Variants in FAM222B observed in about 807,000 individuals in gnomAD.
FAM222B encodes the protein family with sequence similarity 222 member B, also known as protein FAM222B.
FAM222B carries 12 observed loss-of-function variants against 38.0 expected under a neutral mutation model. The observed-to-expected ratio is 0.32, with a 90% CI of 0.20 to 0.51. The LOEUF (loss-of-function observed/expected upper bound fraction) is 0.51, where lower values mean the gene tolerates loss of function less well. Among genes scored for constraint, FAM222B ranks in the 20% least tolerant of loss-of-function variants. The pLI, the probability that FAM222B is intolerant of heterozygous loss-of-function variation, is 0.97. For missense variants in FAM222B, 716 were observed against 754.2 expected, an observed-to-expected ratio of 0.95 and a Z score of 0.59; for synonymous variants, 329 against 317.2, an observed-to-expected ratio of 1.04 and a Z score of -0.40.
chr17:28,820,097 G>C lies in FAM222B; in HGVS notation c.-41+22585C>G, dbSNP rs375704136. On this transcript the variant is annotated intron_variant, in intron 1 of 2. Transcript: ENST00000581407. The stretch of plus-strand genomic sequence containing the variant: ...TTGTTCTAAAATTAGCAACACACAG[G>C]TCCCTATACTAAAAACAATATATAC... Among the ~76,000 whole-genome samples the C allele has an allele frequency of 4.6e-4, 70 of 152,220 alleles. 1 individual carries two copies. In the South Asian group the frequency reaches 6.2e-3, roughly 14 times the overall value.
intron 2 of FAM222B, 88 bp downstream of exon 2, chr17:28,766,498 G>C (rs1010022537): frequency 6.8e-6 from 7 of 1,032,282 alleles, no homozygotes; most frequent in African/African-American, 1.6e-5. Flanking sequence ...TTCAAGGTCA[G>C]TGTACCCCAG....
intron 1 of FAM222B, among the ~76,000 whole-genome samples, chr17:28,823,925 T>G (rs886482792): frequency 6.7e-6 from 1 of 149,032 alleles, no homozygotes; most frequent in Non-Finnish European, 1.5e-5. Context: ...TCGCCCAGGC[T>G]GGAGTGCAGT....
intron 2 of FAM222B, among the ~76,000 whole-genome samples, chr17:28,765,197 C>T (rs1271616068): frequency 6.6e-6 from 1 of 152,316 alleles, no homozygotes; most frequent in East Asian, 1.9e-4. Flanking sequence ...CTGAGTCTTA[C>T]GCTCTCTCAA....
intron 1 of FAM222B, among the ~76,000 whole-genome samples, chr17:28,768,278 GCT>G (rs1270976502): frequency 6.6e-6 from 1 of 152,148 alleles, no homozygotes; most frequent in Non-Finnish European, 1.5e-5. Flanking sequence ...TCTTGAGAGG[GCT>G]CTCTCAGGTA....
intron 1 of FAM222B, among the ~76,000 whole-genome samples, chr17:28,837,346 C>T (rs535223786): frequency 5.3e-4 from 80 of 150,980 alleles, no homozygotes; most frequent in African/African-American, 1.8e-3. Flanking sequence ...AGGAGAATGG[C>T]GTGAACCCGG....
intron 1 of FAM222B, among the ~76,000 whole-genome samples, chr17:28,768,084 C>T (rs991154721): frequency 2.0e-5 from 3 of 152,120 alleles, no homozygotes; most frequent in African/African-American, 7.2e-5. Flanking sequence ...CCTTCTGTAG[C>T]GAAAGAAGCC....
At chr17:28,811,265 C>T (rs968042931) in intron 1 of FAM222B, among the ~76,000 whole-genome samples, 1 of 152,010 alleles carries the variant, frequency 6.6e-6, no homozygotes, top group Non-Finnish European at 1.5e-5. Flanking sequence ...ACGGTGAAAC[C>T]CGGTCACTAC....
At position 28,791,019 on chromosome 17, in the gene FAM222B, C is replaced by T. The variant is rs976422598; in HGVS notation, c.-40-24312G>A. Among the ~76,000 whole-genome samples the T allele has an allele frequency of 3.3e-5, 5 of 150,084 alleles. No homozygotes were observed. In the Admixed American group the frequency reaches 3.4e-4, roughly 10 times the overall value. On this transcript the variant is annotated intron_variant, in intron 1 of 2. Coordinates refer to ENST00000581407, the MANE Select transcript of FAM222B (RefSeq NM_001077498.3). Reference sequence around the variant, plus strand: ...GTCCACGCCATTCTCCTGCCTGAGCCTCCTGAGTAGCCGGCGTAGCTGGGA... The same window carrying T: ...GTCCACGCCATTCTCCTGCCTGAGCTTCCTGAGTAGCCGGCGTAGCTGGGA...
intron 2 of FAM222B, among the ~76,000 whole-genome samples, chr17:28,765,383 A>G (rs559733640): frequency 6.6e-6 from 1 of 152,282 alleles, no homozygotes; most frequent in Non-Finnish European, 1.5e-5. Context: ...TTGCCCTACA[A>G]TGCCAGAGTT....
intron 1 of FAM222B, among the ~76,000 whole-genome samples, chr17:28,773,247 C>T (rs1177267774): frequency 2.6e-5 from 4 of 151,238 alleles, no homozygotes; most frequent in Admixed American, 6.6e-5. Context: ...GAGGCCAAGA[C>T]GGGTGGATTA....
At chr17:28,790,236 T>C (rs923919291) in intron 1 of FAM222B, 14 of 151,412 alleles carry the variant, frequency 9.2e-5, no homozygotes, top group Admixed American at 7.9e-4. Flanking sequence ...ATGCAATATT[T>C]GTATAGTTTC....
chr17:28,819,213 A>C (rs151330747), intron 1 of FAM222B, among the ~76,000 whole-genome samples: 1 of 152,352 alleles, frequency 6.6e-6, no homozygotes, highest in Non-Finnish European at 1.5e-5. Context: ...ATTAGCATTC[A>C]ATGCAATAGC....
intron 1 of FAM222B, among the ~76,000 whole-genome samples, chr17:28,852,832 G>GCT: frequency 6.6e-6 from 1 of 152,216 alleles, no homozygotes; most frequent in South Asian, 2.1e-4. Flanking sequence ...CCAAGGCAGA[G>GCT]GATCACTTGA....
rs376794567 is a variant in FAM222B, at chr17:28,758,951, C to T, written c.1008G>A (p.Ala336=). Residue 336 remains alanine (A), a synonymous_variant, in exon 3 of 3, where the codon GCG becomes GCA. Transcript: ENST00000581407. The part of the protein sequence containing the change: ...PMEHTHAATA[A]LPAAGPVNLP... ...GGTTGACAGGACCTGCAGCAGGCAA[C>T]GCGGCGGTGGCCGCGTGGGTGTGCT... The T allele has an allele frequency of 1.6e-5, 25 of 1,610,288 alleles. No homozygotes were observed. Among genetic ancestry groups the T allele is most frequent in the African/African-American group, 2.7e-5 (2 of 74,898 alleles).
intron 1 of FAM222B, among the ~76,000 whole-genome samples, chr17:28,828,004 G>C (rs1322042194): frequency 6.6e-6 from 1 of 150,576 alleles, no homozygotes; most frequent in Admixed American, 6.6e-5. Context: ...ATGAAAAAAT[G>C]CAGATTTAGG....
chr17:28,784,249 A>G (rs2036292916), intron 1 of FAM222B, among the ~76,000 whole-genome samples: 1 of 151,056 alleles, frequency 6.6e-6, no homozygotes, highest in South Asian at 2.1e-4. Flanking sequence ...TGAGGTAGGA[A>G]GACTGCTTGA....
At chr17:28,844,402 G>A (rs1161613695), upstream of FAM222B, among the ~76,000 whole-genome samples, 2 of 152,252 alleles carry the variant, frequency 1.3e-5, no homozygotes, top group African/African-American at 2.4e-5. Flanking sequence ...GCTCACGCCT[G>A]TAATCCCAGC....
chr17:28,801,665 C>G (rs988383919), intron 1 of FAM222B, among the ~76,000 whole-genome samples: 1 of 151,902 alleles, frequency 6.6e-6, no homozygotes, highest in Non-Finnish European at 1.5e-5. Context: ...AGCTGAATAG[C>G]TGGGTAAGGC....
chr17:28,801,933 C>T (rs2099494323), intron 1 of FAM222B, among the ~76,000 whole-genome samples: 1 of 150,918 alleles, frequency 6.6e-6, no homozygotes, highest in African/African-American at 2.4e-5. Context: ...TAAATCATCC[C>T]AATTCTGCAA....
Sources: gnomAD v4.1 joint callset for allele counts (sites outside exome capture counted in the v4.1 genomes callset) on GRCh38, gnomAD v4.1.1 for gene constraint, MANE v1.5 for transcripts, NCBI Gene and HGNC (gene_info 2026-07-23, HGNC 2026-07-21) for gene names.